MAN1A1: variants seen among roughly 807,000 people sequenced by gnomAD.
The protein encoded by MAN1A1 is mannosyl-oligosaccharide 1,2-alpha-mannosidase IA.
MAN1A1 carries 29 observed loss-of-function variants against 70.8 expected under a neutral mutation model. That is an observed-to-expected ratio of 0.41 (90% CI 0.31 to 0.56). The LOEUF (loss-of-function observed/expected upper bound fraction) is 0.56, where lower values mean the gene tolerates loss of function less well. Among genes scored for constraint, MAN1A1 ranks in the 20% least tolerant of loss-of-function variants. The pLI is 0.29. For missense variants in MAN1A1, 747 were observed against 841.3 expected, an observed-to-expected ratio of 0.89 and a Z score of 1.39; for synonymous variants, 349 against 330.1, an observed-to-expected ratio of 1.06 and a Z score of -0.62.
rs558717364 is a variant in MAN1A1, at chr6:119,303,399, T to C, written c.701-1296A>G. Among the ~76,000 whole-genome samples the C allele has an allele frequency of 1.1e-4, 17 of 152,324 alleles. 1 individual carries two copies. In the South Asian group the frequency reaches 3.5e-3, roughly 32 times the overall value. On this transcript the variant is annotated intron_variant, in intron 3 of 12. Transcript: ENST00000368468. ...GTGGAATTGTGACAATGATGCCCAA[T>C]TGTAATTGAGTAGTTTAGCTTCAAA...
intron 11 of MAN1A1, among the ~76,000 whole-genome samples, chr6:119,182,033 C>G (rs1034965941): frequency 1.3e-5 from 2 of 152,188 alleles, no homozygotes; most frequent in Non-Finnish European, 2.9e-5. Context: ...TGCATCCTCA[C>G]TAAGACTGAT....
At chr6:119,324,196 C>T (rs909221880) in intron 2 of MAN1A1, among the ~76,000 whole-genome samples, 5 of 152,132 alleles carry the variant, frequency 3.3e-5, no homozygotes, top group East Asian at 1.9e-4. Context: ...CTACTCAACA[C>T]GAAGACAAGG....
chr6:119,211,899 T>A (rs1172504433), intron 6 of MAN1A1, among the ~76,000 whole-genome samples: 1 of 150,810 alleles, frequency 6.6e-6, no homozygotes, highest in Non-Finnish European at 1.5e-5. Flanking sequence ...TGGAGTGCAG[T>A]GGTGCGATCA....
intron 4 of MAN1A1, among the ~76,000 whole-genome samples, chr6:119,296,192 G>A (rs7760582): frequency 0.33 from 50,191 of 151,950 alleles, 8,753 homozygotes; most frequent in Non-Finnish European, 0.36. Context: ...TTTAAGCAAC[G>A]TGACAAATCT....
At position 119,349,726 on chromosome 6, in the gene MAN1A1, C is replaced by G; in HGVS notation, c.-407G>C. On this transcript the variant is annotated 5_prime_UTR_variant, in exon 1 of 13. Coordinates refer to ENST00000368468, the MANE Select transcript of MAN1A1 (RefSeq NM_005907.4). ...TGCGGGCGAATGGCAGCGAGTAGAG[C>G]AGCACGGTACACTCCGCCGCGGCCC... is the stretch of plus-strand genomic sequence containing the variant. The G allele has an allele frequency of 2.0e-6, 2 of 985,710 alleles. No individual in the cohort carries two copies. Among genetic ancestry groups the G allele is most frequent in the Non-Finnish European group, 2.4e-6 (2 of 830,014 alleles). 61.1% of individuals were successfully genotyped at this position (985,710 alleles called of 1,614,324 possible).
intron 2 of MAN1A1, among the ~76,000 whole-genome samples, chr6:119,346,607 TC>T (rs1773735520): frequency 6.6e-6 from 1 of 152,224 alleles, no homozygotes; most frequent in African/African-American, 2.4e-5. Context: ...ACAACATGGA[TC>T]TACTGGATGG....
upstream of MAN1A1, among the ~76,000 whole-genome samples, chr6:119,349,930 G>C (rs1044872391): frequency 2.0e-5 from 3 of 152,032 alleles, no homozygotes; most frequent in African/African-American, 7.2e-5. Context: ...AGCCTCGGCG[G>C]GGCCCGGCCG....
chr6:119,211,020 C>A, intron 6 of MAN1A1: 1 of 396,400 alleles, frequency 2.5e-6, no homozygotes, highest in Non-Finnish European at 5.1e-6. Context: ...TTCTAATAAG[C>A]TTCAAGTTGG....
At chr6:119,282,621 T>C (rs1321779812) in intron 5 of MAN1A1, among the ~76,000 whole-genome samples, 1 of 152,172 alleles carries the variant, frequency 6.6e-6, no homozygotes, top group Admixed American at 6.5e-5. Context: ...TATTAGCTAT[T>C]CAGTATTTTA....
At chr6:119,229,403 C>T (rs2114276608) in intron 6 of MAN1A1, among the ~76,000 whole-genome samples, 1 of 152,180 alleles carries the variant, frequency 6.6e-6, no homozygotes, top group Admixed American at 6.5e-5. Context: ...CCTTTTAAAT[C>T]CAGTGTTGAC....
intron 5 of MAN1A1, among the ~76,000 whole-genome samples, chr6:119,286,912 C>T (rs1004692380): frequency 6.6e-5 from 10 of 151,942 alleles, no homozygotes; most frequent in African/African-American, 1.9e-4. Context: ...CCATAGTGGG[C>T]GAAATCTTAT....
chr6:119,285,321 AGAACT>A (rs1776338844), intron 5 of MAN1A1, among the ~76,000 whole-genome samples: 1 of 152,060 alleles, frequency 6.6e-6, no homozygotes, highest in Non-Finnish European at 1.5e-5. Context: ...TAATAGAGTG[AGAACT>A]CACTCATTAC....
chr6:119,334,338 T>G (rs1440617830), intron 2 of MAN1A1, among the ~76,000 whole-genome samples: 1 of 152,204 alleles, frequency 6.6e-6, no homozygotes, highest in African/African-American at 2.4e-5. Flanking sequence ...TGGTTTTTAT[T>G]AAACAATTCC....
chr6:119,233,651 T>C (rs1357799598), intron 6 of MAN1A1, among the ~76,000 whole-genome samples: 1 of 152,176 alleles, frequency 6.6e-6, no homozygotes, highest in Non-Finnish European at 1.5e-5. Flanking sequence ...AGCTGCTAAT[T>C]CTTAAATCTA....
At chr6:119,254,769 T>G (rs1244932635) in intron 5 of MAN1A1, among the ~76,000 whole-genome samples, 1 of 152,230 alleles carries the variant, frequency 6.6e-6, no homozygotes, top group Non-Finnish European at 1.5e-5. Flanking sequence ...GGATTCTGAT[T>G]ACATTCATAA....
chr6:119,200,624 T>C (rs546582655), intron 8 of MAN1A1, among the ~76,000 whole-genome samples: 1 of 152,318 alleles, frequency 6.6e-6, no homozygotes, highest in South Asian at 2.1e-4. Flanking sequence ...CTTGAGAACA[T>C]TTCTTTCAAC....
intron 2 of MAN1A1, among the ~76,000 whole-genome samples, chr6:119,339,440 G>A (rs1773544716): frequency 6.6e-6 from 1 of 152,208 alleles, no homozygotes; most frequent in African/African-American, 2.4e-5. Flanking sequence ...TGGATATACT[G>A]TGCCAACATA....
chr6:119,209,956 A>ATTTACCCT (rs1190599128), intron 6 of MAN1A1, among the ~76,000 whole-genome samples: 1 of 151,912 alleles, frequency 6.6e-6, no homozygotes, highest in Non-Finnish European at 1.5e-5. Flanking sequence ...CAGCAGGGTA[A>ATTTACCCT]ATCTCCACAC....
At chr6:119,320,579 T>A (rs1351154357) in intron 2 of MAN1A1, among the ~76,000 whole-genome samples, 1 of 152,094 alleles carries the variant, frequency 6.6e-6, no homozygotes, top group Non-Finnish European at 1.5e-5. Context: ...AGTCCTCTGA[T>A]TAAGTTTTAA....
Sources: gnomAD v4.1 joint callset for allele counts (sites outside exome capture counted in the v4.1 genomes callset) on GRCh38, gnomAD v4.1.1 for gene constraint, MANE v1.5 for transcripts, NCBI Gene and HGNC (gene_info 2026-07-23, HGNC 2026-07-21) for gene names.